The following PGBD1 variants were observed in gnomAD, a reference collection of about 807,000 sequenced individuals.
The protein encoded by PGBD1 is piggyBac transposable element derived 1.
Under a neutral mutation model 34.7 loss-of-function variants are expected in PGBD1, and 25 were observed. That is an observed-to-expected ratio of 0.72 (90% CI 0.52 to 1.00). The LOEUF is 1.00. Ranked by LOEUF, PGBD1 falls within the 50% of genes least tolerant of loss-of-function variation. The pLI is 0.00. For missense variants in PGBD1, 830 were observed against 959.4 expected, an observed-to-expected ratio of 0.87 and a Z score of 1.78; for synonymous variants, 292 against 335.7, an observed-to-expected ratio of 0.87 and a Z score of 1.42.
At chr6:28,287,227 T>C in intron 4 of PGBD1, 59 bp downstream of exon 4, 2 of 1,421,404 alleles carry the variant, frequency 1.4e-6, no homozygotes, top group Non-Finnish European at 2.0e-6. Flanking sequence ...CCTCATTCCA[T>C]GTTCCTTGCC....
intron 3 of PGBD1, 69 bp downstream of exon 3, chr6:28,285,776 C>A: frequency 6.7e-7 from 1 of 1,496,362 alleles, no homozygotes; most frequent in Non-Finnish European, 9.1e-7. Context: ...GCCTTCTTGA[C>A]CTCAAGTTTG....
chr6:28,281,594 C>T lies in PGBD1; in HGVS notation c.-363C>T. ...TTTGTACCCGCCCAGCTGCTGGAGGCGCCGGCAGCGCCCGCCAGACCCGCC... is the reference window on the plus strand; with the variant it reads ...TTTGTACCCGCCCAGCTGCTGGAGGTGCCGGCAGCGCCCGCCAGACCCGCC... On this transcript the variant is annotated 5_prime_UTR_variant, in exon 1 of 7. Transcript: ENST00000682144. 1 of 385,526 alleles carries T rather than the reference C, an allele frequency of 2.6e-6. No homozygotes were observed. The highest frequency in any genetic ancestry group is 4.6e-6 in the Non-Finnish European group (1 of 218,364). 23.9% of individuals were successfully genotyped at this position (385,526 alleles called of 1,614,324 possible).
rs772078904 is a variant in PGBD1 at position 28,301,501 on chromosome 6, G to C, written c.1647G>C (p.Met549Ile). 1.2e-6 allele frequency: 2 copies of C among 1,614,032 alleles called. No individual in the cohort carries two copies. ...AATACTATTGCTTTGATAAGTCAAT[G>C]TGTGAATGCTTTGATAGTGACCAAT... ...LEEYYCFDKS[M>I]CECFDSDQFL... The change falls in exon 7 of 7, where the codon ATG becomes ATC. Residue 549 changes from methionine to isoleucine, a missense_variant. By Grantham distance (10) the Met-to-Ile change is conservative (BLOSUM62 1). Around this residue, in one of 3 missense-constraint regions of PGBD1, gnomAD observed 372 missense variants for 427.9 expected, o/e 0.87. Coordinates refer to ENST00000682144, the MANE Select transcript of PGBD1 (RefSeq NM_032507.4).
intron 6 of PGBD1, among the ~76,000 whole-genome samples, chr6:28,299,553 A>T (rs1443472555): frequency 6.6e-6 from 1 of 152,224 alleles, no homozygotes; most frequent in Admixed American, 6.5e-5. Context: ...GACACCCTGG[A>T]TGATAAACAC....
At chr6:28,297,225 T>G (rs554511005) in intron 5 of PGBD1, among the ~76,000 whole-genome samples, 1 of 152,258 alleles carries the variant, frequency 6.6e-6, no homozygotes, top group Admixed American at 6.5e-5. Context: ...CCTTTTCCCC[T>G]TTTTTCTTCC....
intron 5 of PGBD1, 53 bp from the exon 6 acceptor site, chr6:28,297,842 T>TAAAAAATAAAAAAAAAAAA: frequency 3.0e-6 from 1 of 331,768 alleles, no homozygotes. Flanking sequence ...TTTTTTTTTT[T>TAAAAAATAAAAAAAAAAAA]TTTCAAAATT....
At chr6:28,283,395 G>GTGGAATTTTAAAA (rs1762185482) in intron 1 of PGBD1, among the ~76,000 whole-genome samples, 1 of 152,218 alleles carries the variant, frequency 6.6e-6, no homozygotes, top group Admixed American at 6.5e-5. Flanking sequence ...TACATTTAAA[G>GTGGAATTTTAAAA]TGGAATATTC....
rs1335824401 is a variant in PGBD1, at chr6:28,288,880, C to T, written c.642+1712C>T. Among the ~76,000 whole-genome samples, 4 of 151,864 alleles carry T rather than the reference C, an allele frequency of 2.6e-5. No homozygotes were observed. The East Asian group carries it at 7.7e-4, about 29-fold the overall frequency. ...GCAGGCACCTGCAATGCCAGCTACT[C>T]GGGAGGCTGAGGCAGGAGAATCGCT... On this transcript the variant is annotated intron_variant, in intron 4 of 6. Coordinates refer to ENST00000682144, the MANE Select transcript of PGBD1 (RefSeq NM_032507.4).
intron 4 of PGBD1, among the ~76,000 whole-genome samples, chr6:28,295,583 C>T (rs1762601198): frequency 6.6e-6 from 1 of 152,114 alleles, no homozygotes; most frequent in African/African-American, 2.4e-5. Context: ...GCCCCTCTAC[C>T]AGCAAAAAGA....
At chr6:28,291,867 A>G (rs1473026105) in intron 4 of PGBD1, among the ~76,000 whole-genome samples, 1 of 152,264 alleles carries the variant, frequency 6.6e-6, no homozygotes, top group African/African-American at 2.4e-5. Flanking sequence ...GATTATTTCA[A>G]TAGATGCTGA....
chr6:28,284,951 C>T (rs997894525), intron 2 of PGBD1, among the ~76,000 whole-genome samples: 36 of 152,310 alleles, frequency 2.4e-4, no homozygotes, highest in African/African-American at 8.2e-4. Context: ...GCCATGTTAT[C>T]CTAATAATGT....
At chr6:28,289,065 G>A (rs537405595) in intron 4 of PGBD1, among the ~76,000 whole-genome samples, 1 of 152,142 alleles carries the variant, frequency 6.6e-6, no homozygotes, top group African/African-American at 2.4e-5. Context: ...CACAAAACTT[G>A]TGAAAGATAT....
At position 28,289,359 on chromosome 6, in the gene PGBD1, TGAA is replaced by T. The variant is rs745523973; in HGVS notation, c.642+2193_642+2195del. On this transcript the variant is annotated intron_variant, in intron 4 of 6. Coordinates refer to ENST00000682144, the MANE Select transcript of PGBD1 (RefSeq NM_032507.4). ...ATCCAGCAGAATTATCTTTCATATA[TGAA>T]GGAGAAAGTCTTTCCCAAACAAACA... is the stretch of plus-strand genomic sequence containing the variant. Among the ~76,000 whole-genome samples, 4 of 152,166 alleles carry T rather than the reference TGAA, an allele frequency of 2.6e-5. No individual in the cohort carries two copies. In the East Asian group the frequency reaches 5.8e-4, roughly 22 times the overall value.
chr6:28,300,442 A>C lies in PGBD1; in HGVS notation c.870-282A>C, dbSNP rs1762790218. ...GCACCAAGGAGCATGGGATGTCTGCATCCTGCTCCTAAAGAGGACAGAGGG... is the reference window on the plus strand; with the variant it reads ...GCACCAAGGAGCATGGGATGTCTGCCTCCTGCTCCTAAAGAGGACAGAGGG... On this transcript the variant is annotated intron_variant, in intron 6 of 6. Coordinates refer to ENST00000682144, the MANE Select transcript of PGBD1 (RefSeq NM_032507.4). This position sits in a 1 kb window ranked among gnomAD's most constrained non-coding sequence, Gnocchi z 4.0. Among the ~76,000 whole-genome samples, 1 of 152,186 alleles carries C rather than the reference A, an allele frequency of 6.6e-6. No homozygotes were observed. The highest frequency in any genetic ancestry group is 1.5e-5 in the Non-Finnish European group (1 of 68,048).
chr6:28,292,846 T>C (rs1762503498), intron 4 of PGBD1, among the ~76,000 whole-genome samples: 1 of 152,124 alleles, frequency 6.6e-6, no homozygotes, highest in African/African-American at 2.4e-5. Context: ...GTATAACACA[T>C]CTGCAAGCCG....
chr6:28,282,264 C>G (rs1315310134), intron 1 of PGBD1, among the ~76,000 whole-genome samples: 1 of 152,156 alleles, frequency 6.6e-6, no homozygotes, highest in Non-Finnish European at 1.5e-5. Flanking sequence ...AAAGCAGGAA[C>G]CAAGTCTTTT....
chr6:28,294,114 T>C (rs1301798880), intron 4 of PGBD1, among the ~76,000 whole-genome samples: 1 of 152,186 alleles, frequency 6.6e-6, no homozygotes, highest in African/African-American at 2.4e-5. Flanking sequence ...AGCAAAAAGC[T>C]TTTTGCTGAT....
Position 28,284,213 on chromosome 6 carries a change from G to T in PGBD1, c.396+4G>T. 1 of 1,526,856 alleles carries T rather than the reference G, an allele frequency of 6.5e-7. No homozygotes were observed. The highest frequency in any genetic ancestry group is 8.8e-7 in the Non-Finnish European group (1 of 1,134,950). The allele number at this position is 1,526,856 out of a possible 1,614,324, so 94.6% of individuals were successfully genotyped here. The stretch of plus-strand genomic sequence containing the variant: ...AAGTGGAGACACAGGACAACAGGTG[G>T]GAAGAGAATGTGTGTGGTGATGTGG... On this transcript the variant is annotated splice_donor_region_variant and intron_variant, in intron 2 of 6. Coordinates refer to ENST00000682144, the MANE Select transcript of PGBD1 (RefSeq NM_032507.4).
intron 2 of PGBD1, among the ~76,000 whole-genome samples, chr6:28,284,624 C>A (rs145412569): frequency 6.6e-6 from 1 of 152,186 alleles, no homozygotes; most frequent in African/African-American, 2.4e-5. Flanking sequence ...AAGCAATCCT[C>A]CCACCTCAGG....
Sources: allele counts gnomAD v4.1 joint callset (sites outside exome capture counted in the v4.1 genomes callset), GRCh38; gene constraint gnomAD v4.1.1; regional missense constraint gnomAD v4.1.1; non-coding constraint Gnocchi (gnomAD v3.1); transcripts MANE v1.5; gene names NCBI Gene and HGNC (gene_info 2026-07-23, HGNC 2026-07-21).